Variants in RNFT2 observed in about 807,000 individuals in gnomAD.
RNFT2 encodes the protein E3 ubiquitin-protein ligase RNFT2.
RNFT2 carries 36 observed loss-of-function variants against 53.0 expected under a neutral mutation model. That is an observed-to-expected ratio of 0.68 (90% CI 0.52 to 0.90). The LOEUF is 0.90. RNFT2 is among the 40% of genes least tolerant of loss of function. The pLI, the probability that RNFT2 is intolerant of heterozygous loss-of-function variation, is 0.00. For synonymous variants in RNFT2, 260 were observed against 253.2 expected (o/e 1.03, Z -0.26); for missense variants, 514 against 585.6 (o/e 0.88, Z 1.26).
intron 1 of RNFT2, among the ~76,000 whole-genome samples, chr12:116,739,715 A>T (rs1409435770): frequency 6.6e-6 from 1 of 152,194 alleles, no homozygotes; most frequent in Non-Finnish European, 1.5e-5. Context: ...GGTGGACAGG[A>T]GTGGGAAAAG....
In RNFT2 at chr12:116,852,135, G is replaced by T; in HGVS notation, c.*2687G>T. 9.8e-7 allele frequency: 1 copy of T among 1,021,562 alleles called. No individual in the cohort carries two copies. The highest frequency in any genetic ancestry group is 3.2e-4 in the Middle Eastern group (1 of 3,098). The allele number at this position is 1,021,562 out of a possible 1,614,324, so 63.3% of individuals were successfully genotyped here. The stretch of plus-strand genomic sequence containing the variant: ...ACCACGCAGAAGCCACCAGAATCTT[G>T]CCTGCCCTATTCCTCCTCCCAAGTC... On this transcript the variant is annotated 3_prime_UTR_variant, in exon 11 of 11. Coordinates refer to ENST00000257575, the MANE Select transcript of RNFT2 (RefSeq NM_001382266.1).
In RNFT2 at chr12:116,811,138, C is replaced by T. The variant is rs1017331559; in HGVS notation, c.883-22654C>T. 2.0e-5 allele frequency among the ~76,000 whole-genome samples: 3 copies of T among 152,004 alleles called. No individual in the cohort carries two copies. In the East Asian group the frequency reaches 5.8e-4, roughly 29 times the overall value. On this transcript the variant is annotated intron_variant, in intron 7 of 10. Transcript: ENST00000257575. The stretch of plus-strand genomic sequence containing the variant: ...ACCAGGCATGATGGCTCACGCTACT[C>T]GGAAGTTTGTCTTTCCAGCTACTAG...
At chr12:116,821,802 C>CTTTTTTTTTTTTTTTT (rs149043452) in intron 7 of RNFT2, among the ~76,000 whole-genome samples, 3 of 43,926 alleles carry the variant, frequency 6.8e-5, no homozygotes, top group African/African-American at 3.1e-4. Flanking sequence ...CTACTTGTTT[C>CTTTTTTTTTTTTTTTT]TTTTTTTTTT....
At chr12:116,760,184 C>T (rs559645336) in intron 5 of RNFT2, among the ~76,000 whole-genome samples, 79 of 152,260 alleles carry the variant, frequency 5.2e-4, no homozygotes, top group Non-Finnish European at 9.7e-4. Flanking sequence ...AAGGGCCGGT[C>T]TCACTCCCAC....
chr12:116,779,321 C>A lies in RNFT2; in HGVS notation c.855C>A (p.Pro285=). 1 of 1,614,010 alleles carries A rather than the reference C, an allele frequency of 6.2e-7. No homozygotes were observed. Among genetic ancestry groups the A allele is most frequent in the South Asian group, 1.1e-5 (1 of 91,078 alleles). The part of the protein sequence containing the change: ...IALKCLIVAL[P]KIILAVKSKG... ...TCAAGTGCCTCATCGTGGCCCTGCC[C>A]AAGATCATCCTGGCTGTCAAGTCCA... The change falls in exon 7 of 11, where the codon CCC becomes CCA. Residue 285 remains proline, a synonymous_variant. Transcript: ENST00000257575.
intron 6 of RNFT2, among the ~76,000 whole-genome samples, chr12:116,775,799 T>G (rs1873408007): frequency 6.6e-6 from 1 of 152,214 alleles, no homozygotes; most frequent in Non-Finnish European, 1.5e-5. Flanking sequence ...TCCCAACACT[T>G]TGGGAGGCCA....
At chr12:116,798,331 G>C (rs4767455) in intron 7 of RNFT2, among the ~76,000 whole-genome samples, 5,882 of 151,964 alleles carry the variant, frequency 0.039, 184 homozygotes, top group African/African-American at 0.075. Context: ...CAGCTCCCAC[G>C]TTGCTTTTAT....
rs1196861626 is a variant in RNFT2, at chr12:116,846,443, T to TTTTTTTTTTTTTC, written c.1201-2865_1201-2864insTTTTTTCTTTTTT. ...ATGCCACCATGCCCAGCTAATTTTT[T>TTTTTTTTTTTTTC]TTTTTTGTAGAGACATATGGGGCAT... On this transcript the variant is annotated intron_variant, in intron 10 of 10. Transcript: ENST00000257575. Among the ~76,000 whole-genome samples the TTTTTTTTTTTTTC allele has an allele frequency of 2.6e-4, 37 of 140,500 alleles. 1 individual carries two copies. The highest frequency in any genetic ancestry group is 9.5e-4 in the African/African-American group (36 of 37,830). The allele number at this position is 140,500 out of a possible 152,430, so 92.2% of individuals were successfully genotyped here.
At chr12:116,838,027 A>G (rs553183621) in intron 10 of RNFT2, among the ~76,000 whole-genome samples, 1 of 152,102 alleles carries the variant, frequency 6.6e-6, no homozygotes, top group Non-Finnish European at 1.5e-5. Flanking sequence ...TTTTTTAAAA[A>G]AAAACATAAG....
At position 116,841,956 on chromosome 12, in the gene RNFT2, TATAGAGAGAGAGAG is replaced by T. The variant is rs1191534026; in HGVS notation, c.1200+5676_1200+5689del. Among the ~76,000 whole-genome samples the T allele has an allele frequency of 8.7e-3, 150 of 17,224 alleles. 3 individuals carry two copies. Among genetic ancestry groups the T allele is most frequent in the Admixed American group, 0.015 (13 of 888 alleles). The allele number at this position is 17,224 out of a possible 152,430, so 11.3% of individuals were successfully genotyped here. The stretch of plus-strand genomic sequence containing the variant: ...ATATAAATATATATATAAATATATA[TATAGAGAGAGAGAG>T]AGAGAGAGAGAGAGAGGGAGGATCC... On this transcript the variant is annotated intron_variant, in intron 10 of 10. Coordinates refer to ENST00000257575, the MANE Select transcript of RNFT2 (RefSeq NM_001382266.1).
chr12:116,820,746 A>G (rs1393961735), intron 7 of RNFT2, among the ~76,000 whole-genome samples: 1 of 152,006 alleles, frequency 6.6e-6, no homozygotes, highest in Non-Finnish European at 1.5e-5. Flanking sequence ...ACCACTGTCT[A>G]GCAACTTCGA....
intron 3 of RNFT2, among the ~76,000 whole-genome samples, chr12:116,743,243 AAC>A (rs1157474394): frequency 0.11 from 8,636 of 80,010 alleles, 3,220 homozygotes; most frequent in African/African-American, 0.15. Flanking sequence ...AAAAAAAAAA[AAC>A]CGGTTAAAAA....
chr12:116,811,804 C>T (rs756720179), intron 7 of RNFT2, among the ~76,000 whole-genome samples: 12 of 152,194 alleles, frequency 7.9e-5, no homozygotes, highest in Non-Finnish European at 2.9e-5. Flanking sequence ...GCCTCTGGCT[C>T]TTCTCCTCGG....
chr12:116,763,740 C>T (rs1872789159), intron 5 of RNFT2, among the ~76,000 whole-genome samples: 1 of 150,090 alleles, frequency 6.7e-6, no homozygotes, highest in African/African-American at 2.5e-5. Flanking sequence ...GATCGCGCCA[C>T]TGCACTCCAG....
chr12:116,753,148 CTTTTTT>C (rs11377177), intron 4 of RNFT2, among the ~76,000 whole-genome samples: 4 of 93,700 alleles, frequency 4.3e-5, no homozygotes, highest in East Asian at 3.2e-4. Flanking sequence ...TTTTCTTTTT[CTTTTTT>C]TTTTTTTTTT....
At chr12:116,776,262 T>C (rs1873425031) in intron 6 of RNFT2, among the ~76,000 whole-genome samples, 1 of 151,766 alleles carries the variant, frequency 6.6e-6, no homozygotes, top group South Asian at 2.1e-4. Flanking sequence ...CCCAGATAGA[T>C]GGATTGAACA....
Position 116,852,290 on chromosome 12 carries a change from C to A in RNFT2, c.*2842C>A. ...AAATGGAGGAGCTTTGTAGCCACCT[C>A]GCTGTCAGCCAGTATTAACATGTCC... On this transcript the variant is annotated 3_prime_UTR_variant, in exon 11 of 11. Coordinates refer to ENST00000257575, the MANE Select transcript of RNFT2 (RefSeq NM_001382266.1). 2 of 1,262,712 alleles carry A rather than the reference C, an allele frequency of 1.6e-6. 1 individual carries two copies. The highest frequency in any genetic ancestry group is 6.3e-4 in the Middle Eastern group (2 of 3,184). The allele number at this position is 1,262,712 out of a possible 1,614,324, so 78.2% of individuals were successfully genotyped here.
At chr12:116,786,725 CAG>C (rs1873952964) in intron 7 of RNFT2, among the ~76,000 whole-genome samples, 1 of 152,204 alleles carries the variant, frequency 6.6e-6, no homozygotes, top group East Asian at 1.9e-4. Context: ...CTTGAAATAA[CAG>C]AAATTTGTTC....
At chr12:116,777,202 G>A (rs138503525) in intron 6 of RNFT2, among the ~76,000 whole-genome samples, 1,591 of 152,180 alleles carry the variant, frequency 0.01, 13 homozygotes, top group South Asian at 0.03. Flanking sequence ...ACAGTCGTGA[G>A]CCACCGTGCC....
Sources: allele counts gnomAD v4.1 joint callset (sites outside exome capture counted in the v4.1 genomes callset), GRCh38; gene constraint gnomAD v4.1.1; transcripts MANE v1.5; gene names NCBI Gene and HGNC (gene_info 2026-07-23, HGNC 2026-07-21).